The following GAD2 variants were observed in gnomAD, a reference collection of about 807,000 sequenced individuals.
GAD2 encodes 65 kDa glutamic acid decarboxylase.
GAD2 carries 22 observed loss-of-function variants against 80.1 expected under a neutral mutation model. That is an observed-to-expected ratio of 0.27 (90% confidence interval 0.20 to 0.39). GAD2 has a LOEUF of 0.39. Among genes scored for constraint, GAD2 ranks in the 10% least tolerant of loss-of-function variants. The probability of loss-of-function intolerance (pLI) is 1.00; values close to 1 mark genes in which losing one functional copy is unlikely to be tolerated. For synonymous variants in GAD2, 274 were observed against 256.9 expected (o/e 1.07, Z -0.64); for missense variants, 624 against 738.4 (o/e 0.85, Z 1.80).
At chr10:26,258,735 A>G (rs1376528996) in intron 8 of GAD2, among the ~76,000 whole-genome samples, 2 of 151,900 alleles carry the variant, frequency 1.3e-5, no homozygotes, top group Non-Finnish European at 2.9e-5. Context: ...GCTGAATAAT[A>G]TTCCATCGTA....
chr10:26,269,812 A>G (rs545927320), intron 9 of GAD2, among the ~76,000 whole-genome samples: 41 of 152,338 alleles, frequency 2.7e-4, no homozygotes, highest in Non-Finnish European at 4.7e-4. Context: ...GAACTCAGAA[A>G]TAATGATTTA....
chr10:26,217,884 G>A lies in GAD2; in HGVS notation c.179G>A (p.Gly60Glu). ...GCCGAGAAGCCGGCGGAGAGCGGCG[G>A]GAGCCAACCCCCGCGGGCCGCCGCC... ...GDAEKPAESG[G>E]SQPPRAAARK... The change falls in exon 3 of 16, where the codon GGG becomes GAG. Residue 60 changes from glycine (G) to glutamate (E), a missense_variant. Coordinates refer to ENST00000376261, the MANE Select transcript of GAD2 (RefSeq NM_001134366.2). The surrounding 1 kb of genome is among the most constrained non-coding windows in gnomAD (Gnocchi z 4.9). 6.2e-7 allele frequency: 1 copy of A among 1,607,822 alleles called. No homozygotes were observed. The highest frequency in any genetic ancestry group is 8.5e-7 in the Non-Finnish European group (1 of 1,177,414).
chr10:26,250,918 C>T (rs190048502), intron 8 of GAD2, among the ~76,000 whole-genome samples: 2,065 of 122,820 alleles, frequency 0.017, 45 homozygotes, highest in African/African-American at 0.06. Flanking sequence ...CTTGCTCTGT[C>T]GCCCAGGCTG....
intron 7 of GAD2, among the ~76,000 whole-genome samples, chr10:26,229,990 A>C (rs1844578980): frequency 6.6e-6 from 1 of 152,106 alleles, no homozygotes; most frequent in Non-Finnish European, 1.5e-5. Context: ...CAGCCTGGGC[A>C]ATATAGTGAA....
At chr10:26,240,657 A>G (rs1844729216) in intron 7 of GAD2, among the ~76,000 whole-genome samples, 1 of 151,556 alleles carries the variant, frequency 6.6e-6, no homozygotes, top group African/African-American at 2.4e-5. Flanking sequence ...ACTTAAACCC[A>G]GGAGGCGGAG....
At chr10:26,235,012 A>G (rs1386426534) in intron 7 of GAD2, among the ~76,000 whole-genome samples, 1 of 152,102 alleles carries the variant, frequency 6.6e-6, no homozygotes, top group Non-Finnish European at 1.5e-5. Context: ...AGCTGGGACT[A>G]CAGGTGCATG....
chr10:26,217,820 C>T lies in GAD2; in HGVS notation c.137-22C>T, dbSNP rs1236158819. On this transcript the variant is annotated intron_variant, in intron 2 of 15. Transcript: ENST00000376261. This position sits in a 1 kb window ranked among gnomAD's most constrained non-coding sequence, Gnocchi z 4.9. ...GGCCCGGCGGAGGATTGACGAGGCC[C>T]GCGTTCGGTGTCCTTACCCAGCCCT... The T allele has an allele frequency of 3.8e-6, 6 of 1,589,782 alleles. No individual in the cohort carries two copies. Among genetic ancestry groups the T allele is most frequent in the African/African-American group, 1.3e-5 (1 of 74,444 alleles).
intron 8 of GAD2, among the ~76,000 whole-genome samples, chr10:26,264,757 G>A (rs185883345): frequency 1.3e-3 from 198 of 152,302 alleles, no homozygotes; most frequent in African/African-American, 4.7e-3. Flanking sequence ...GTCATTTATC[G>A]TTGCTGCTGA....
intron 6 of GAD2, among the ~76,000 whole-genome samples, chr10:26,227,046 GC>G (rs1230531470): frequency 6.6e-6 from 1 of 152,194 alleles, no homozygotes; most frequent in African/African-American, 2.4e-5. Context: ...AGGCTGGAGT[GC>G]AGTGGCACGA....
At chr10:26,230,229 A>C (rs183588704) in intron 7 of GAD2, among the ~76,000 whole-genome samples, 95 of 152,194 alleles carry the variant, frequency 6.2e-4, no homozygotes, top group African/African-American at 2.1e-3. Flanking sequence ...CTGCGCAATC[A>C]AGTTGCATAT....
chr10:26,284,985 C>G (rs1041169135), intron 12 of GAD2, among the ~76,000 whole-genome samples: 8 of 152,116 alleles, frequency 5.3e-5, no homozygotes, highest in South Asian at 2.1e-4. Context: ...GTATTGATGG[C>G]ACGAAGGTGT....
intron 12 of GAD2, among the ~76,000 whole-genome samples, chr10:26,283,151 G>A (rs1260686099): frequency 1.3e-5 from 2 of 152,308 alleles, no homozygotes; most frequent in East Asian, 1.9e-4. Context: ...CTACTGACTG[G>A]CAATTTGATG....
At chr10:26,293,157 G>A (rs955810190) in intron 15 of GAD2, among the ~76,000 whole-genome samples, 166 bp downstream of exon 15, 4 of 150,020 alleles carry the variant, frequency 2.7e-5, no homozygotes, top group Non-Finnish European at 4.4e-5. Context: ...CCTGATATAT[G>A]CAGACATTTT....
intron 11 of GAD2, among the ~76,000 whole-genome samples, chr10:26,275,048 G>T (rs994289380): frequency 2.0e-5 from 3 of 152,182 alleles, no homozygotes; most frequent in Non-Finnish European, 4.4e-5. Context: ...TGGACCCTTG[G>T]GGCTTCTCTC....
intron 13 of GAD2, 142 bp from the exon 14 acceptor site, chr10:26,292,323 A>G: frequency 3.3e-6 from 2 of 614,964 alleles, no homozygotes; most frequent in Non-Finnish European, 5.7e-6. Flanking sequence ...TAGCGCTGAA[A>G]AAGCCTTTGG....
At chr10:26,233,464 C>T (rs951949335) in intron 7 of GAD2, among the ~76,000 whole-genome samples, 3 of 152,066 alleles carry the variant, frequency 2.0e-5, no homozygotes, top group South Asian at 2.1e-4. Context: ...TCTTCTTGAA[C>T]CCTTGACCCT....
At chr10:26,234,221 G>C (rs1426669712) in intron 7 of GAD2, among the ~76,000 whole-genome samples, 1 of 151,964 alleles carries the variant, frequency 6.6e-6, no homozygotes, top group East Asian at 1.9e-4. Context: ...CTACTCGGGA[G>C]GCTGAGGCAG....
chr10:26,264,547 T>A lies in GAD2; in HGVS notation c.921-4572T>A, dbSNP rs1408904139. Among the ~76,000 whole-genome samples, 6 of 152,206 alleles carry A rather than the reference T, an allele frequency of 3.9e-5. No homozygotes were observed. The East Asian group carries it at 1.2e-3, about 29-fold the overall frequency. On this transcript the variant is annotated intron_variant, in intron 8 of 15. Transcript: ENST00000376261. ...GGATGGTCTCGATCTCCTGACCTGG[T>A]GATCTGCCGGCCTCAGCCTCCCAAA... is the stretch of plus-strand genomic sequence containing the variant.
chr10:26,243,050 C>G (rs970160467), intron 7 of GAD2, among the ~76,000 whole-genome samples: 9 of 152,244 alleles, frequency 5.9e-5, no homozygotes, highest in Admixed American at 2.0e-4. Flanking sequence ...AAACCCCCCC[C>G]CTTTTTTTGG....
Sources: gnomAD v4.1 joint callset for allele counts (sites outside exome capture counted in the v4.1 genomes callset) on GRCh38, gnomAD v4.1.1 for gene constraint, Gnocchi (gnomAD v3.1) non-coding constraint, MANE v1.5 for transcripts, NCBI Gene and HGNC (gene_info 2026-07-23, HGNC 2026-07-21) for gene names.